The following KALRN variants were observed in gnomAD, a reference collection of about 807,000 sequenced individuals.
KALRN encodes kalirin RhoGEF kinase.
A neutral mutation model predicts 353.7 loss-of-function variants in KALRN; 70 were observed. The observed-to-expected ratio is 0.20, with a 90% CI of 0.16 to 0.24. The LOEUF is 0.24. Among genes scored for constraint, KALRN ranks in the 10% least tolerant of loss-of-function variants. The pLI is 1.00. For missense variants in KALRN, 2,791 were observed against 3,756.7 expected, an observed-to-expected ratio of 0.74 and a Z score of 6.72; for synonymous variants, 1,391 against 1,434.8, an observed-to-expected ratio of 0.97 and a Z score of 0.69.
At chr3:124,068,792 C>T (rs566724757) in intron 1 of KALRN, among the ~76,000 whole-genome samples, 2 of 152,230 alleles carry the variant, frequency 1.3e-5, no homozygotes, top group South Asian at 4.2e-4. Context: ...AAAAAAATAT[C>T]ATGGAGCTTG....
At chr3:124,244,387 A>G (rs566419840) in intron 3 of KALRN, among the ~76,000 whole-genome samples, 2 of 152,112 alleles carry the variant, frequency 1.3e-5, no homozygotes, top group Admixed American at 1.3e-4. Context: ...ACAAGTGCCC[A>G]CCACACGTCC....
At chr3:124,535,591 T>G (rs12485363) in intron 33 of KALRN, among the ~76,000 whole-genome samples, 16,813 of 152,184 alleles carry the variant, frequency 0.11, 1,160 homozygotes, top group Middle Eastern at 0.17. Flanking sequence ...TGAGATATGG[T>G]TTTTTGATCC....
intron 10 of KALRN, among the ~76,000 whole-genome samples, chr3:124,357,247 A>G (rs2083519242): frequency 1.3e-5 from 2 of 152,102 alleles, no homozygotes; most frequent in Admixed American, 1.3e-4. Flanking sequence ...TCAGAGCCTC[A>G]TTATCTCTTG....
chr3:124,083,705 C>T (rs1419805619), intron 1 of KALRN, among the ~76,000 whole-genome samples: 1 of 152,192 alleles, frequency 6.6e-6, no homozygotes, highest in East Asian at 1.9e-4. Flanking sequence ...GAGTTGGCTG[C>T]GGAGCCTTAG....
intron 1 of KALRN, among the ~76,000 whole-genome samples, chr3:124,113,056 A>C (rs973377200): frequency 6.6e-6 from 1 of 152,220 alleles, no homozygotes; most frequent in African/African-American, 2.4e-5. Context: ...TGTCAAGCCC[A>C]GTGACGAGGT....
chr3:124,243,010 G>A (rs779527671), intron 3 of KALRN, among the ~76,000 whole-genome samples: 11 of 152,312 alleles, frequency 7.2e-5, no homozygotes, highest in East Asian at 3.9e-4. Context: ...CAGGGACCCC[G>A]AGCTTAATGC....
In KALRN at chr3:124,064,416, C is replaced by T. The variant is rs182526500; in HGVS notation, c.73+30603C>T. Among the ~76,000 whole-genome samples the T allele has an allele frequency of 2.6e-4, 39 of 152,218 alleles. 1 individual carries two copies. In the East Asian group the frequency reaches 6.9e-3, roughly 27 times the overall value. On this transcript the variant is annotated intron_variant, in intron 1 of 59. Coordinates refer to ENST00000682506, the MANE Select transcript of KALRN (RefSeq NM_001388419.1). ...TGCTAGGGGCTTTCAGGACTTTTAG[C>T]TCCTGAAGAGCAGGCAGGGCAGCCT...
intron 18 of KALRN, 82 bp from the exon 19 acceptor site, chr3:124,441,859 TGGAA>T: frequency 1.3e-6 from 1 of 754,348 alleles, no homozygotes; most frequent in Non-Finnish European, 2.1e-6. Flanking sequence ...AAAGAAAATA[TGGAA>T]GGAAGGAGGG....
At position 124,719,498 on chromosome 3, in the gene KALRN, T is replaced by G. The variant is rs1442110178; in HGVS notation, c.*28T>G. ...ATCTCCCAGCCCCTATGGTTTCACA[T>G]AGACGTGCAGTGTGAACCAAAGCAA... On this transcript the variant is annotated 3_prime_UTR_variant, in exon 60 of 60. Transcript: ENST00000682506. The surrounding 1 kb of genome is among the most constrained non-coding windows in gnomAD (Gnocchi z 5.3). 6.3e-7 allele frequency: 1 copy of G among 1,592,010 alleles called. No homozygotes were observed. The highest frequency in any genetic ancestry group is 8.6e-7 in the Non-Finnish European group (1 of 1,165,892).
rs9814529 is a variant in KALRN at position 124,286,086 on chromosome 3, T to C, written c.970-12705T>C. On this transcript the variant is annotated intron_variant, in intron 5 of 59. Coordinates refer to ENST00000682506, the MANE Select transcript of KALRN (RefSeq NM_001388419.1). ...GTTTTCTTTCTTTCTTTCCTTCCTT[T>C]CTTTCTTTCTTTCTTTCTTTCTTTC... Among the ~76,000 whole-genome samples, 544 of 107,496 alleles carry C rather than the reference T, an allele frequency of 5.1e-3. 4 individuals are homozygous for C. Among genetic ancestry groups the C allele is most frequent in the East Asian group, 0.01 (36 of 3,476 alleles). 70.5% of individuals were successfully genotyped at this position (107,496 alleles called of 152,430 possible).
chr3:124,341,931 G>A (rs1237362193), intron 9 of KALRN, among the ~76,000 whole-genome samples: 1 of 151,920 alleles, frequency 6.6e-6, no homozygotes, highest in Non-Finnish European at 1.5e-5. Context: ...AAAGGATATG[G>A]AAAGTGAAGG....
At chr3:124,340,875 G>A (rs1196012396) in intron 9 of KALRN, among the ~76,000 whole-genome samples, 3 of 152,184 alleles carry the variant, frequency 2.0e-5, no homozygotes, top group Non-Finnish European at 4.4e-5. Flanking sequence ...AGAATCGCTT[G>A]AACCTGGGAG....
chr3:124,042,472 G>C (rs1184539069), intron 1 of KALRN, among the ~76,000 whole-genome samples: 5 of 152,180 alleles, frequency 3.3e-5, no homozygotes, highest in Non-Finnish European at 7.3e-5. Context: ...GAAGATCACT[G>C]TGATAGGCTA....
intron 33 of KALRN, among the ~76,000 whole-genome samples, chr3:124,506,302 A>C (rs1312006057): frequency 6.6e-6 from 1 of 152,246 alleles, no homozygotes; most frequent in Non-Finnish European, 1.5e-5. Flanking sequence ...CCCCACTACT[A>C]ATCAGCCTTC....
chr3:124,200,505 A>G (rs1233958285), intron 1 of KALRN, among the ~76,000 whole-genome samples: 1 of 152,168 alleles, frequency 6.6e-6, no homozygotes, highest in African/African-American at 2.4e-5. Flanking sequence ...CCCATTCATG[A>G]GGGCTTTGCC....
At chr3:124,349,791 G>T (rs920031167) in intron 10 of KALRN, among the ~76,000 whole-genome samples, 10 of 152,170 alleles carry the variant, frequency 6.6e-5, no homozygotes, top group African/African-American at 2.4e-4. Flanking sequence ...CAATGTAATA[G>T]ACACAGGTCC....
chr3:124,170,277 C>T (rs1241591736), intron 1 of KALRN, among the ~76,000 whole-genome samples: 2 of 152,162 alleles, frequency 1.3e-5, no homozygotes, highest in African/African-American at 2.4e-5. Context: ...GGGTGTTGAA[C>T]CATTGGGAAG....
chr3:124,678,553 T>C, intron 50 of KALRN: 1 of 290,722 alleles, frequency 3.4e-6, no homozygotes, highest in Non-Finnish European at 6.5e-6. Flanking sequence ...CTCTTTATAC[T>C]GTGCAGATGT....
At chr3:124,602,102 C>A (rs2149461467) in intron 34 of KALRN, among the ~76,000 whole-genome samples, 1 of 151,764 alleles carries the variant, frequency 6.6e-6, no homozygotes. Context: ...TATTCAATAA[C>A]CATACATACC....
Sources: gnomAD v4.1 joint callset for allele counts (sites outside exome capture counted in the v4.1 genomes callset) on GRCh38, gnomAD v4.1.1 for gene constraint, Gnocchi (gnomAD v3.1) non-coding constraint, MANE v1.5 for transcripts, NCBI Gene and HGNC (gene_info 2026-07-23, HGNC 2026-07-21) for gene names.